PIWIL3: variants seen among roughly 807,000 people sequenced by gnomAD.
PIWIL3 encodes the protein piwi like RNA-mediated gene silencing 3.
A neutral mutation model predicts 109.7 loss-of-function variants in PIWIL3; 101 were observed. That is an observed-to-expected ratio of 0.92 (90% CI 0.78 to 1.09). The LOEUF is 1.09. PIWIL3 is among the 50% of genes least tolerant of loss of function. The pLI, the probability that PIWIL3 is intolerant of heterozygous loss-of-function variation, is 0.00. For synonymous variants in PIWIL3, 373 were observed against 376.4 expected (o/e 0.99, Z 0.10); for missense variants, 1,031 against 1,072.6 (o/e 0.96, Z 0.54).
chr22:24,756,052 A>C (rs565442983), intron 5 of PIWIL3, 147 bp from the exon 6 acceptor site: 1 of 827,404 alleles, frequency 1.2e-6, no homozygotes, highest in South Asian at 1.8e-5. Context: ...TGCGTGTGGA[A>C]AACATGATTC....
At chr22:24,756,343 T>C (rs912008038) in intron 5 of PIWIL3, 148 bp downstream of exon 5, 1 of 703,758 alleles carries the variant, frequency 1.4e-6, no homozygotes, top group Non-Finnish European at 2.3e-6. Context: ...TAACCGAACA[T>C]GGCACATAGG....
At chr22:24,745,682 GAT>G (rs1295751504) in intron 12 of PIWIL3, among the ~76,000 whole-genome samples, 1 of 68,572 alleles carries the variant, frequency 1.5e-5, no homozygotes, top group Non-Finnish European at 3.0e-5. Context: ...TTTTTGAAAA[GAT>G]AAACAAAACG....
chr22:24,724,156 G>A (rs1922846914), intron 18 of PIWIL3, among the ~76,000 whole-genome samples: 1 of 152,060 alleles, frequency 6.6e-6, no homozygotes, highest in South Asian at 2.1e-4. Flanking sequence ...GGGTCTTCCC[G>A]GCGCTCCCCC....
At position 24,774,658 on chromosome 22, in the gene PIWIL3, T is replaced by C. The variant is rs1926322275; in HGVS notation, c.-359A>G. On this transcript the variant is annotated 5_prime_UTR_variant, in exon 1 of 21. Transcript: ENST00000616349. ...CTATCTCTACTAAAAATACAAAAAATTAGCCGGGCGTGGTGGCGGGCACCT... is the reference window on the plus strand; with the variant it reads ...CTATCTCTACTAAAAATACAAAAAACTAGCCGGGCGTGGTGGCGGGCACCT... The C allele has an allele frequency of 6.6e-6, 1 of 150,846 alleles. No homozygotes were observed. The highest frequency in any genetic ancestry group is 1.5e-5 in the Non-Finnish European group (1 of 67,866). 9.3% of individuals were successfully genotyped at this position (150,846 alleles called of 1,614,324 possible).
intron 1 of PIWIL3, among the ~76,000 whole-genome samples, chr22:24,772,500 C>T (rs761779936): frequency 2.0e-5 from 3 of 152,156 alleles, no homozygotes; most frequent in Non-Finnish European, 4.4e-5. Context: ...ACTTATGTCA[C>T]AGGGGCCTGT....
intron 12 of PIWIL3, among the ~76,000 whole-genome samples, chr22:24,744,162 G>T (rs549731668): frequency 1.8e-5 from 1 of 54,952 alleles, no homozygotes; most frequent in African/African-American, 6.9e-5. Context: ...AACTCTAATT[G>T]AAAGAGTGAC....
chr22:24,762,429 G>A lies in PIWIL3; in HGVS notation c.71C>T (p.Pro24Leu). Residue 24 changes from proline (P) to leucine (L), a missense_variant, in exon 2 of 21, where the codon CCT becomes CTT. Transcript: ENST00000616349. ...RRRESYQQEA[P>L]GGPRAPGSAT... ...TGATCCAGGTGCTCTGGGTCCCCCA[G>A]GTGCCTCTTGTTGGTAGCTCTCCCT... is the stretch of plus-strand genomic sequence containing the variant. 2 of 1,614,020 alleles carry A rather than the reference G, an allele frequency of 1.2e-6. No homozygotes were observed. The highest frequency in any genetic ancestry group is 8.5e-7 in the Non-Finnish European group (1 of 1,179,948).
intron 12 of PIWIL3, among the ~76,000 whole-genome samples, chr22:24,740,218 CAAAAAAAAAA>C (rs71189272): frequency 3.1e-5 from 2 of 63,894 alleles, no homozygotes; most frequent in African/African-American, 1.2e-4. Flanking sequence ...GAGACTGTCT[CAAAAAAAAAA>C]AAAAAATTTC....
At position 24,754,227 on chromosome 22, in the gene PIWIL3, A is replaced by T. The variant is rs1569107730; in HGVS notation, c.774-10T>A. On this transcript the variant is annotated splice_polypyrimidine_tract_variant and intron_variant, in intron 7 of 20. Coordinates refer to ENST00000616349, the MANE Select transcript of PIWIL3 (RefSeq NM_001255975.1). ...GATTTCCAAACTGGTACTAGAATAA[A>T]TTACATGAGAGTATTAGTCCGATCT... is the stretch of plus-strand genomic sequence containing the variant. 6.2e-7 allele frequency: 1 copy of T among 1,603,162 alleles called. No homozygotes were observed. The highest frequency in any genetic ancestry group is 2.2e-5 in the East Asian group (1 of 44,824).
At position 24,728,334 on chromosome 22, in the gene PIWIL3, T is replaced by C. The variant is rs778686053; in HGVS notation, c.1748A>G (p.Asp583Gly). The change falls in exon 15 of 21, where the codon GAC (aspartate) becomes GGC (glycine). Residue 583 changes from aspartate to glycine, a missense_variant. By Grantham distance (94) the Asp-to-Gly change is moderately conservative. Transcript: ENST00000616349. ...ILPNDDKRRY[D>G]SIKRYLCTKC... ...GGTACATAGGTATCTTTTTATGCTG[T>C]CATATCTACGTTTGTCATCATTGGG... 9 of 1,614,066 alleles carry C rather than the reference T, an allele frequency of 5.6e-6. No homozygotes were observed. The Admixed American group carries it at 6.7e-5, about 12-fold the overall frequency.
chr22:24,729,872 C>T (rs184322709), intron 14 of PIWIL3, among the ~76,000 whole-genome samples: 115 of 149,440 alleles, frequency 7.7e-4, no homozygotes, highest in African/African-American at 2.7e-3. Context: ...CATATAGTAG[C>T]TTTTGGTGTT....
chr22:24,729,025 C>G (rs1923168941), intron 14 of PIWIL3, among the ~76,000 whole-genome samples: 1 of 152,146 alleles, frequency 6.6e-6, no homozygotes, highest in South Asian at 2.1e-4. Flanking sequence ...TGCTTTTGTT[C>G]TTTGTGTAAT....
At chr22:24,759,726 A>G (rs1925299805) in intron 3 of PIWIL3, 143 bp downstream of exon 3, 1 of 1,212,670 alleles carries the variant, frequency 8.2e-7, no homozygotes, top group African/African-American at 1.5e-5. Flanking sequence ...CTGCACAAAG[A>G]GAGACAGTTG....
intron 5 of PIWIL3, among the ~76,000 whole-genome samples, chr22:24,756,251 C>T (rs1925024268): frequency 1.3e-5 from 2 of 151,714 alleles, no homozygotes; most frequent in South Asian, 2.1e-4. Flanking sequence ...AGTATCCAAA[C>T]TTTGTCAGCA....
In PIWIL3 at chr22:24,738,188, G is replaced by A. The variant is rs1259760947; in HGVS notation, c.1450-2296C>T. Among the ~76,000 whole-genome samples, 5 of 152,002 alleles carry A rather than the reference G, an allele frequency of 3.3e-5. No individual in the cohort carries two copies. The East Asian group carries it at 9.7e-4, about 30-fold the overall frequency. On this transcript the variant is annotated intron_variant, in intron 12 of 20. Transcript: ENST00000616349. ...AAAGAAAAAGAAGGAAGGGAAGAGT[G>A]AGAAGGTCTGCATCATGTGATTTGA...
chr22:24,763,815 G>A (rs1343057736), intron 1 of PIWIL3, among the ~76,000 whole-genome samples: 2 of 136,424 alleles, frequency 1.5e-5, no homozygotes, highest in East Asian at 5.2e-4. Context: ...TGGGACCTCC[G>A]CCCACCATCT....
At chr22:24,749,573 A>G (rs769950023) in intron 10 of PIWIL3, 52 bp from the exon 11 acceptor site, 3 of 1,611,208 alleles carry the variant, frequency 1.9e-6, no homozygotes, top group Non-Finnish European at 2.5e-6. Context: ...TTGAGTGAGG[A>G]CTAAATTATA....
chr22:24,722,731 A>C (rs1922748949), intron 19 of PIWIL3, among the ~76,000 whole-genome samples: 1 of 152,046 alleles, frequency 6.6e-6, no homozygotes, highest in South Asian at 2.1e-4. Flanking sequence ...AGATAGATAG[A>C]TACCTACCTA....
At chr22:24,745,847 T>C (rs930741363) in intron 12 of PIWIL3, among the ~76,000 whole-genome samples, 3 of 151,726 alleles carry the variant, frequency 2.0e-5, no homozygotes, top group Admixed American at 1.3e-4. Context: ...GCCAGTAAAT[T>C]GGAAAATCTA....
Sources: gnomAD v4.1 joint callset for allele counts (sites outside exome capture counted in the v4.1 genomes callset) on GRCh38, gnomAD v4.1.1 for gene constraint, MANE v1.5 for transcripts, NCBI Gene and HGNC (gene_info 2026-07-23, HGNC 2026-07-21) for gene names.